Variants in CBX7 observed in about 807,000 individuals in gnomAD.
The protein encoded by CBX7 is chromobox protein homolog 7.
CBX7 carries 14 observed loss-of-function variants against 31.4 expected under a neutral mutation model. The observed-to-expected ratio is 0.45, with a 90% confidence interval of 0.29 to 0.70. CBX7 has a LOEUF of 0.70. CBX7 is among the 30% of genes least tolerant of loss of function. The pLI is 0.11. For synonymous variants in CBX7, 159 were observed against 152.6 expected (o/e 1.04, Z -0.31); for missense variants, 269 against 351.9 (o/e 0.76, Z 1.89).
chr22:39,144,826 C>T (rs1930584612), intron 2 of CBX7, among the ~76,000 whole-genome samples: 1 of 152,234 alleles, frequency 6.6e-6, no homozygotes, highest in South Asian at 2.1e-4. Flanking sequence ...AGGTGTGCGG[C>T]CGGGACCGCC....
intron 3 of CBX7, among the ~76,000 whole-genome samples, chr22:39,140,508 C>T (rs987673432): frequency 2.0e-5 from 3 of 152,158 alleles, no homozygotes; most frequent in Non-Finnish European, 2.9e-5. Context: ...AACCCAGCAG[C>T]GAGGGGCAGT....
At chr22:39,143,313 AAAAT>A (rs1930525454) in intron 2 of CBX7, among the ~76,000 whole-genome samples, 1 of 151,922 alleles carries the variant, frequency 6.6e-6, no homozygotes, top group Admixed American at 6.5e-5. Flanking sequence ...CTTTAAAAGT[AAAAT>A]AAATTAAACT....
At chr22:39,144,486 G>A (rs1168785415) in intron 2 of CBX7, among the ~76,000 whole-genome samples, 1 of 152,220 alleles carries the variant, frequency 6.6e-6, no homozygotes, top group East Asian at 1.9e-4. Context: ...ACCCTGGCGC[G>A]CAGAGCCACC....
rs1321287604 is a variant in CBX7 at position 39,132,998 on chromosome 22, G to T, written c.*893C>A. 6.6e-6 allele frequency: 1 copy of T among 152,310 alleles called. No individual in the cohort carries two copies. The highest frequency in any genetic ancestry group is 6.5e-5 in the Admixed American group (1 of 15,284). 9.4% of individuals were successfully genotyped at this position (152,310 alleles called of 1,614,324 possible). ...TATGCCTGGAGCATGGGGTGCCATCGCACCTGTGCCAGACCCCTGCCCTCC... is the reference window on the plus strand; with the variant it reads ...TATGCCTGGAGCATGGGGTGCCATCTCACCTGTGCCAGACCCCTGCCCTCC... On this transcript the variant is annotated 3_prime_UTR_variant, in exon 6 of 6. Transcript: ENST00000216133.
At position 39,134,732 on chromosome 22, in the gene CBX7, C is replaced by G. The variant is rs1930188849; in HGVS notation, c.267G>C (p.Leu89=). Residue 89 remains leucine, a synonymous_variant, in exon 5 of 6, where the codon CTG becomes CTC. Coordinates refer to ENST00000216133, the MANE Select transcript of CBX7 (RefSeq NM_175709.5). ...LLLQRLYSMD[L]RSSHKAKGKE... ...TGCCCTTGGCCTTGTGGGAGCTCCG[C>G]AGGTCCATGCTGTACAGCCGCTGCG... 1 of 1,554,408 alleles carries G rather than the reference C, an allele frequency of 6.4e-7. No homozygotes were observed. The highest frequency in any genetic ancestry group is 1.4e-5 in the African/African-American group (1 of 73,602).
intron 1 of CBX7, 48 bp from the exon 2 acceptor site, chr22:39,149,880 C>A (rs1451870608): frequency 6.5e-7 from 1 of 1,527,158 alleles, no homozygotes; most frequent in African/African-American, 1.4e-5. Flanking sequence ...GTTGCCCCTA[C>A]AGCCACTCGG....
intron 2 of CBX7, among the ~76,000 whole-genome samples, chr22:39,143,294 T>TA (rs35587819): frequency 0.42 from 63,018 of 151,062 alleles, 13,465 homozygotes; most frequent in African/African-American, 0.46. Flanking sequence ...ATTTTAAAAT[T>TA]AAAAAAAACT....
chr22:39,145,664 G>C (rs1462814241), intron 2 of CBX7, among the ~76,000 whole-genome samples: 2 of 150,660 alleles, frequency 1.3e-5, no homozygotes, highest in African/African-American at 4.9e-5. Flanking sequence ...GCCCCCGCCG[G>C]CCGCGCGCAC....
chr22:39,140,642 G>A (rs939456690), intron 3 of CBX7, among the ~76,000 whole-genome samples: 2 of 152,178 alleles, frequency 1.3e-5, no homozygotes, highest in Non-Finnish European at 2.9e-5. Flanking sequence ...GTTGCCATAG[G>A]GGCCAAATAC....
intron 1 of CBX7, among the ~76,000 whole-genome samples, chr22:39,150,140 T>C (rs139402): frequency 0.42 from 64,082 of 152,108 alleles, 13,825 homozygotes; most frequent in African/African-American, 0.47. Flanking sequence ...TGAGACTGCA[T>C]GGAGGTGTGC....
At chr22:39,144,079 C>T (rs1274802028) in intron 2 of CBX7, among the ~76,000 whole-genome samples, 1 of 151,950 alleles carries the variant, frequency 6.6e-6, no homozygotes, top group Non-Finnish European at 1.5e-5. Context: ...CCTGCCGCCT[C>T]CCAATCCCTA....
At chr22:39,137,644 T>A (rs539519774) in intron 4 of CBX7, among the ~76,000 whole-genome samples, 1 of 150,382 alleles carries the variant, frequency 6.6e-6, no homozygotes, top group Non-Finnish European at 1.5e-5. Flanking sequence ...CCACCGCACA[T>A]GGCAGCATTT....
rs140572779 is a variant in CBX7, at chr22:39,143,746, G to A, written c.114-2310C>T. 4.0e-4 allele frequency among the ~76,000 whole-genome samples: 61 copies of A among 152,290 alleles called. No individual in the cohort carries two copies. The East Asian group carries it at 0.012, about 29-fold the overall frequency. ...TGTATTCTTACTGCACCTTTTCTAC[G>A]TTTGGATGTATTCAGTAGTCACACG... On this transcript the variant is annotated intron_variant, in intron 2 of 5. Transcript: ENST00000216133.
At chr22:39,150,983 C>A (rs561962182) in intron 1 of CBX7, among the ~76,000 whole-genome samples, 43 of 152,296 alleles carry the variant, frequency 2.8e-4, no homozygotes, top group African/African-American at 9.9e-4. Flanking sequence ...CTGTGTGCCG[C>A]CTCTGCAGAA....
At chr22:39,147,564 C>G (rs1445777162) in intron 2 of CBX7, 1 of 138,064 alleles carries the variant, frequency 7.2e-6, no homozygotes, top group Non-Finnish European at 1.6e-5. Context: ...TTTCTCCAAG[C>G]AGGGCCCCCG....
Position 39,134,414 on chromosome 22 carries a change from G to A in CBX7, c.585C>T (p.Pro195=). The A allele has an allele frequency of 1.9e-6, 3 of 1,599,906 alleles. No individual in the cohort carries two copies. The highest frequency in any genetic ancestry group is 1.3e-5 in the African/African-American group (1 of 75,026). Residue 195 remains proline (P), a synonymous_variant, in exon 5 of 6, where the codon CCC becomes CCT. Transcript: ENST00000216133. The part of the protein sequence containing the change: ...AAGEWEPAAQ[P]PEEEADADLA... The stretch of plus-strand genomic sequence containing the variant: ...GGGCCGCCTTACCCTCCTCTTCAGG[G>A]GGCTGCGCAGCAGGCTCCCACTCGC...
intron 2 of CBX7, 172 bp downstream of exon 2, chr22:39,149,617 G>A (rs566744166): frequency 3.1e-6 from 2 of 643,584 alleles, no homozygotes; most frequent in East Asian, 2.6e-5. Flanking sequence ...ACCCTCCTGT[G>A]GTCCAGGGGG....
intron 1 of CBX7, among the ~76,000 whole-genome samples, chr22:39,151,755 A>C (rs1351968519): frequency 6.9e-6 from 1 of 144,060 alleles, no homozygotes. Context: ...TGCAGGGTGT[A>C]TGTTTTGAAG....
At chr22:39,147,221 GC>G (rs35651523) in intron 2 of CBX7, 27,788 of 148,772 alleles carry the variant, frequency 0.19, 3,087 homozygotes, top group East Asian at 0.44. Context: ...ACATCACCAT[GC>G]CTGGCTAATT....
Sources: allele counts gnomAD v4.1 joint callset (sites outside exome capture counted in the v4.1 genomes callset), GRCh38; gene constraint gnomAD v4.1.1; transcripts MANE v1.5; gene names NCBI Gene and HGNC (gene_info 2026-07-23, HGNC 2026-07-21).